OR2L3: variants seen among roughly 807,000 people sequenced by gnomAD.
OR2L3 encodes olfactory receptor 2L3.
For missense variants in OR2L3, 369 were observed against 376.6 expected (o/e 0.98, Z 0.17); for synonymous variants, 131 against 139.1 (o/e 0.94, Z 0.41).
At position 248,061,535 on chromosome 1, in the gene OR2L3, A is replaced by G. The variant is rs752352777; in HGVS notation, c.854A>G (p.Asn285Ser). 12 of 1,613,528 alleles carry G rather than the reference A, an allele frequency of 7.4e-6. No individual in the cohort carries two copies. In the African/African-American group the frequency reaches 1.2e-4, roughly 16 times the overall value. Residue 285 changes from asparagine to serine, a missense_variant, in exon 2 of 2, where the codon AAC becomes AGC. Coordinates refer to ENST00000359959, the MANE Select transcript of OR2L3 (RefSeq NM_001004687.2). ...TACACCACCCTCACTCCAATGCTCAACCCCATCATCTATAGCCTGAGGAAC... is the reference window on the plus strand; with the variant it reads ...TACACCACCCTCACTCCAATGCTCAGCCCCATCATCTATAGCCTGAGGAAC... ...VFYTTLTPML[N>S]PIIYSLRNKE...
In OR2L3 at chr1:248,049,692, T is replaced by C. The variant is rs1663193480; in HGVS notation, c.-22+2812T>C. ...AATCCTACTTGTTTTACATTTCTTATACTTTCTCAATTATTTAACACTTAT... is the reference window on the plus strand; with the variant it reads ...AATCCTACTTGTTTTACATTTCTTACACTTTCTCAATTATTTAACACTTAT... On this transcript the variant is annotated intron_variant, in intron 1 of 1. Transcript: ENST00000359959. 2.0e-5 allele frequency among the ~76,000 whole-genome samples: 3 copies of C among 152,222 alleles called. 1 individual carries two copies. The highest frequency in any genetic ancestry group is 6.5e-5 in the Admixed American group (1 of 15,284).
In OR2L3 at chr1:248,047,916, T is replaced by C. The variant is rs577398791; in HGVS notation, c.-22+1036T>C. Among the ~76,000 whole-genome samples the C allele has an allele frequency of 3.9e-5, 6 of 152,322 alleles. No individual in the cohort carries two copies. The South Asian group carries it at 6.2e-4, about 16-fold the overall frequency. On this transcript the variant is annotated intron_variant, in intron 1 of 1. Coordinates refer to ENST00000359959, the MANE Select transcript of OR2L3 (RefSeq NM_001004687.2). Reference sequence around the variant, plus strand: ...CTATGTCACAGCTTCTAATAACCCATGGATTCTTCTCCCTGTTGTAATTAT... The same window carrying C: ...CTATGTCACAGCTTCTAATAACCCACGGATTCTTCTCCCTGTTGTAATTAT...
intron 1 of OR2L3, among the ~76,000 whole-genome samples, chr1:248,054,661 C>A (rs1008675539): frequency 1.2e-4 from 18 of 152,074 alleles, no homozygotes; most frequent in Admixed American, 1.3e-4. Flanking sequence ...CTTCACTTCC[C>A]TTATTAGCTG....
intron 1 of OR2L3, among the ~76,000 whole-genome samples, chr1:248,055,587 C>G (rs1663408047): frequency 6.6e-6 from 1 of 152,126 alleles, no homozygotes; most frequent in Non-Finnish European, 1.5e-5. Flanking sequence ...GAAACCCTAT[C>G]TCTACTAAAA....
chr1:248,061,380 G>T lies in OR2L3; in HGVS notation c.699G>T (p.Arg233Ser), dbSNP rs766485201. Reference sequence around the variant, plus strand: ...ACCACATGAAATCTGCAGAAGGGAGGAAGAAAGCCTACCTGACCTGCAGCA... The same window carrying T: ...ACCACATGAAATCTGCAGAAGGGAGTAAGAAAGCCTACCTGACCTGCAGCA... ...AVYHMKSAEG[R>S]KKAYLTCSTH... The change falls in exon 2 of 2, where the codon AGG (arginine) becomes AGT (serine). Residue 233 changes from arginine to serine, a missense_variant. Transcript: ENST00000359959. 5.0e-6 allele frequency: 8 copies of T among 1,614,074 alleles called. 1 individual carries two copies. The Admixed American group carries it at 1.2e-4, about 24-fold the overall frequency.
At chr1:248,049,280 T>G (rs192936499) in intron 1 of OR2L3, among the ~76,000 whole-genome samples, 2 of 152,320 alleles carry the variant, frequency 1.3e-5, no homozygotes, top group East Asian at 3.9e-4. Flanking sequence ...GGCTACTTTC[T>G]TCATCTCACT....
intron 1 of OR2L3, among the ~76,000 whole-genome samples, chr1:248,057,125 G>A (rs972461719): frequency 1.3e-5 from 2 of 152,166 alleles, no homozygotes; most frequent in Non-Finnish European, 2.9e-5. Context: ...GTTGTTTTGG[G>A]AAGGAGAGTT....
intron 1 of OR2L3, among the ~76,000 whole-genome samples, chr1:248,049,086 G>A (rs979224626): frequency 6.6e-6 from 1 of 152,034 alleles, no homozygotes; most frequent in African/African-American, 2.4e-5. Context: ...CTGTGCCTCC[G>A]TGGAAAACTG....
Position 248,060,854 on chromosome 1 carries a change from T to C in OR2L3, c.173T>C (p.Met58Thr), listed in dbSNP as rs1663603588. 6.2e-7 allele frequency: 1 copy of C among 1,613,856 alleles called. No homozygotes were observed. The highest frequency in any genetic ancestry group is 1.3e-5 in the African/African-American group (1 of 74,908). Residue 58 changes from methionine (M) to threonine (T), a missense_variant, in exon 2 of 2, where the codon ATG becomes ACG. Physicochemically the swap from Met to Thr is moderately conservative, Grantham distance 81. Transcript: ENST00000359959. ...IFLDTHLHTPMYFLLSQLSLI... is the reference protein window; with the variant it reads ...IFLDTHLHTPTYFLLSQLSLI... ...TTGGACACCCATCTCCACACACCCA[T>C]GTATTTCCTACTTAGTCAGCTCTCC...
chr1:248,061,154 A>G lies in OR2L3; in HGVS notation c.473A>G (p.His158Arg). 1 of 1,613,310 alleles carries G rather than the reference A, an allele frequency of 6.2e-7. No homozygotes were observed. Among genetic ancestry groups the G allele is most frequent in the South Asian group, 1.1e-5 (1 of 91,066 alleles). Residue 158 changes from histidine to arginine, a missense_variant, in exon 2 of 2, where the codon CAC (histidine) becomes CGC (arginine). His to Arg is a conservative substitution (Grantham distance 29, BLOSUM62 0). Transcript: ENST00000359959. Reference sequence around the variant, plus strand: ...ATAGGCTCGATCAATGCTTGTGCTCACACTGTATATGTACTCCATATTCCT... The same window carrying G: ...ATAGGCTCGATCAATGCTTGTGCTCGCACTGTATATGTACTCCATATTCCT... Reference protein sequence around the residue: ...WIIGSINACAHTVYVLHIPYC... With the variant: ...WIIGSINACARTVYVLHIPYC...
intron 1 of OR2L3, among the ~76,000 whole-genome samples, chr1:248,054,225 C>T (rs186457267): frequency 5.5e-4 from 83 of 152,234 alleles, no homozygotes; most frequent in Non-Finnish European, 6.2e-4. Flanking sequence ...ATCTTTTCCC[C>T]GTTGCTTGTT....
Position 248,061,526 on chromosome 1 carries a change from C to A in OR2L3, c.845C>A (p.Pro282Gln), listed in dbSNP as rs1352384676. ...GCTGTCTTCTACACCACCCTCACTC[C>A]AATGCTCAACCCCATCATCTATAGC... ...VLAVFYTTLT[P>Q]MLNPIIYSLR... The change falls in exon 2 of 2, where the codon CCA becomes CAA. Residue 282 changes from proline to glutamine, a missense_variant. Physicochemically the swap from Pro to Gln is moderately conservative, Grantham distance 76. Coordinates refer to ENST00000359959, the MANE Select transcript of OR2L3 (RefSeq NM_001004687.2). The A allele has an allele frequency of 1.2e-6, 2 of 1,613,740 alleles. No individual in the cohort carries two copies. Among genetic ancestry groups the A allele is most frequent in the Non-Finnish European group, 1.7e-6 (2 of 1,179,896 alleles).
intron 1 of OR2L3, among the ~76,000 whole-genome samples, chr1:248,048,965 T>C (rs1663172458): frequency 6.6e-6 from 1 of 151,250 alleles, no homozygotes; most frequent in African/African-American, 2.4e-5. Context: ...TCTGCACCTA[T>C]GCAAATGATC....
Position 248,060,696 on chromosome 1 carries a change from T to A in OR2L3, c.15T>A (p.Asn5Lys). 1.2e-6 allele frequency: 2 copies of A among 1,612,582 alleles called. No individual in the cohort carries two copies. Among genetic ancestry groups the A allele is most frequent in the South Asian group, 1.1e-5 (1 of 90,976 alleles). Residue 5 changes from asparagine to lysine, a missense_variant, in exon 2 of 2, where the codon AAT becomes AAA. Asn to Lys is a moderately conservative substitution (Grantham distance 94). Transcript: ENST00000359959. ...ACGAATGCCCCATGGAAAATTACAA[T>A]CAAACATCAACTGATTTCATCTTAT... MENY[N>K]QTSTDFILLG...
At chr1:248,048,921 C>CT (rs201552371) in intron 1 of OR2L3, among the ~76,000 whole-genome samples, 1,661 of 141,974 alleles carry the variant, frequency 0.012, 49 homozygotes, top group African/African-American at 0.045. Context: ...TTTTCTCTCT[C>CT]TCTTTTTTTT....
At chr1:248,051,484 C>G (rs994074194) in intron 1 of OR2L3, among the ~76,000 whole-genome samples, 1 of 152,064 alleles carries the variant, frequency 6.6e-6, no homozygotes. Context: ...GATGCAAAAA[C>G]AGAATAACAA....
At chr1:248,055,560 A>C (rs1237129189) in intron 1 of OR2L3, among the ~76,000 whole-genome samples, 21 of 152,230 alleles carry the variant, frequency 1.4e-4, no homozygotes, top group Admixed American at 1.4e-3. Context: ...GTTCGAGACC[A>C]GCCTGGCCAA....
intron 1 of OR2L3, among the ~76,000 whole-genome samples, chr1:248,056,406 G>A (rs755930341): frequency 1.1e-4 from 16 of 151,964 alleles, no homozygotes; most frequent in South Asian, 2.1e-4. Flanking sequence ...TCTGGGGTTT[G>A]TTTGCTCTTG....
Position 248,052,409 on chromosome 1 carries a change from C to G in OR2L3, c.-22+5529C>G, listed in dbSNP as rs115965718. Among the ~76,000 whole-genome samples the G allele has an allele frequency of 5.5e-3, 836 of 152,162 alleles. 11 individuals are homozygous for G. Among genetic ancestry groups the G allele is most frequent in the African/African-American group, 0.019 (805 of 41,524 alleles). On this transcript the variant is annotated intron_variant, in intron 1 of 1. Coordinates refer to ENST00000359959, the MANE Select transcript of OR2L3 (RefSeq NM_001004687.2). Reference sequence around the variant, plus strand: ...TGCCATTGCCACATTGTTTTGATTACTATAGCTTCGAGTAAGTTTTAAAAT... The same window carrying G: ...TGCCATTGCCACATTGTTTTGATTAGTATAGCTTCGAGTAAGTTTTAAAAT...
Sources: allele counts gnomAD v4.1 joint callset (sites outside exome capture counted in the v4.1 genomes callset), GRCh38; gene constraint gnomAD v4.1.1; transcripts MANE v1.5; gene names NCBI Gene and HGNC (gene_info 2026-07-23, HGNC 2026-07-21).